The following PGBD2 variants were observed in gnomAD, a reference collection of about 807,000 sequenced individuals.
The protein encoded by PGBD2 is piggyBac transposable element derived 2, also known as piggyBac transposable element-derived protein 2.
A neutral mutation model predicts 8.1 loss-of-function variants in PGBD2; 6 were observed. The observed-to-expected ratio is 0.74, with a 90% CI of 0.40 to 1.46. The LOEUF (loss-of-function observed/expected upper bound fraction) is 1.46. Among genes scored for constraint, PGBD2 ranks in the 40% most tolerant of loss-of-function variants. The probability of loss-of-function intolerance (pLI) is 0.02; values close to 1 mark genes in which losing one functional copy is unlikely to be tolerated. For synonymous variants in PGBD2, 318 were observed against 272.2 expected (o/e 1.17, Z -1.66); for missense variants, 802 against 739.0 (o/e 1.09, Z -0.99).
chr1:248,874,903 GAGATAGATAGAT>G, the PGBD2 span, among the ~76,000 whole-genome samples: 2,425 of 145,390 alleles, frequency 0.017, 29 homozygotes, highest in Middle Eastern at 0.031. Flanking sequence ...TAGGTAGATA[GAGATAGATAGAT>G]AGATAGATAG....
chr1:248,911,438 G>A (rs1458620102), intron 1 of PGBD2, among the ~76,000 whole-genome samples: 1 of 149,180 alleles, frequency 6.7e-6, no homozygotes, highest in Non-Finnish European at 1.5e-5. Context: ...TTGGGGGTAA[G>A]GTCACAGATC....
the PGBD2 span, among the ~76,000 whole-genome samples, chr1:248,894,661 T>A: frequency 4.0e-5 from 6 of 151,388 alleles, no homozygotes; most frequent in African/African-American, 1.5e-4. Context: ...ATTTTCTTTT[T>A]TCTTCTTTTT....
Position 248,917,778 on chromosome 1 carries a change from T to G in PGBD2, c.1194T>G (p.Phe398Leu). Residue 398 changes from phenylalanine to leucine, a missense_variant, in exon 3 of 3, where the codon TTT becomes TTG. Physicochemically the swap from Phe to Leu is conservative, Grantham distance 22 (BLOSUM62 0). Coordinates refer to ENST00000329291, the MANE Select transcript of PGBD2 (RefSeq NM_170725.3). ...KELKKMKRGS[F>L]DYKVDESEEI... ...TGAAAAAAATGAAGAGGGGTTCATTTGATTACAAAGTCGATGAGAGTGAGG... is the reference window on the plus strand; with the variant it reads ...TGAAAAAAATGAAGAGGGGTTCATTGGATTACAAAGTCGATGAGAGTGAGG... The G allele has an allele frequency of 1.9e-6, 3 of 1,614,200 alleles. No individual in the cohort carries two copies. The highest frequency in any genetic ancestry group is 2.5e-6 in the Non-Finnish European group (3 of 1,180,046).
At chr1:248,911,780 G>C (rs956476568) in intron 1 of PGBD2, among the ~76,000 whole-genome samples, 1 of 151,896 alleles carries the variant, frequency 6.6e-6, no homozygotes, top group Non-Finnish European at 1.5e-5. Flanking sequence ...GGACGGGGTG[G>C]CTGGCCGGGC....
chr1:248,916,469 G>A lies in PGBD2; in HGVS notation c.18-133G>A, dbSNP rs1662100661. 8 of 690,378 alleles carry A rather than the reference G, an allele frequency of 1.2e-5. No individual in the cohort carries two copies. The Admixed American group carries it at 1.5e-4, about 13-fold the overall frequency. The allele number at this position is 690,378 out of a possible 1,614,324, so 42.8% of individuals were successfully genotyped here. On this transcript the variant is annotated intron_variant, in intron 2 of 2. Coordinates refer to ENST00000329291, the MANE Select transcript of PGBD2 (RefSeq NM_170725.3). The stretch of plus-strand genomic sequence containing the variant: ...GCTGGAAAATTTACTTACTAAATGC[G>A]GTGCCTTGTGATGCCAGATCTGTGA...
chr1:248,892,282 C>CCCTCCCTCT, the PGBD2 span, among the ~76,000 whole-genome samples: 1 of 127,526 alleles, frequency 7.8e-6, no homozygotes, highest in East Asian at 2.4e-4. Context: ...TCCCTTCCTT[C>CCCTCCCTCT]CTTCCTTCCT....
At chr1:248,907,260 A>G (rs1276229890) in intron 1 of PGBD2, among the ~76,000 whole-genome samples, 1 of 152,240 alleles carries the variant, frequency 6.6e-6, no homozygotes, top group Non-Finnish European at 1.5e-5. Context: ...TCTCTGCCCA[A>G]ACATTTCAGT....
intron 2 of PGBD2, among the ~76,000 whole-genome samples, chr1:248,914,242 T>G (rs1337173673): frequency 1.3e-5 from 2 of 152,194 alleles, no homozygotes; most frequent in East Asian, 3.8e-4. Flanking sequence ...TTTGAGAGTC[T>G]GGGGGTGAGC....
At chr1:248,902,205 G>A (rs778510846), upstream of PGBD2, among the ~76,000 whole-genome samples, 1 of 150,968 alleles carries the variant, frequency 6.6e-6, no homozygotes, top group Non-Finnish European at 1.5e-5. Context: ...GGAGGCGAAG[G>A]TTGCAGTGAG....
chr1:248,883,583 T>TC, the PGBD2 span, among the ~76,000 whole-genome samples: 1 of 140,208 alleles, frequency 7.1e-6, no homozygotes, highest in African/African-American at 3.0e-5. Context: ...CTTTTTTTTT[T>TC]CTTTTTTTTT....
the PGBD2 span, among the ~76,000 whole-genome samples, chr1:248,897,815 G>C: frequency 6.6e-6 from 1 of 152,198 alleles, no homozygotes; most frequent in Non-Finnish European, 1.5e-5. Flanking sequence ...GCAGCGACTG[G>C]AGACTGCCTG....
the PGBD2 span, among the ~76,000 whole-genome samples, chr1:248,894,800 T>C: frequency 6.6e-6 from 1 of 150,888 alleles, no homozygotes; most frequent in African/African-American, 2.4e-5. Flanking sequence ...TCTCTCTTTC[T>C]TTCTTCTTTC....
upstream of PGBD2, among the ~76,000 whole-genome samples, chr1:248,904,643 C>T (rs978191863): frequency 3.3e-5 from 5 of 152,180 alleles, no homozygotes; most frequent in Non-Finnish European, 7.3e-5. Flanking sequence ...AGGCTTGCTT[C>T]GCCTCAGAGC....
At chr1:248,902,918 C>T (rs1661558853), upstream of PGBD2, among the ~76,000 whole-genome samples, 1 of 152,072 alleles carries the variant, frequency 6.6e-6, no homozygotes, top group African/African-American at 2.4e-5. Context: ...AAGCTTAATA[C>T]CTAGGTGATG....
Position 248,917,838 on chromosome 1 carries a change from G to A in PGBD2, c.1254G>A (p.Val418=). ...IIVCRWHDSS[V]VNICSNAVGI... is the part of the protein sequence containing the mutation. Reference sequence around the variant, plus strand: ...TGTGCCGCTGGCACGATAGCAGCGTGGTCAACATTTGCTCCAATGCTGTGG... The same window carrying A: ...TGTGCCGCTGGCACGATAGCAGCGTAGTCAACATTTGCTCCAATGCTGTGG... The change falls in exon 3 of 3, where the codon GTG becomes GTA. Residue 418 remains valine, a synonymous_variant. Coordinates refer to ENST00000329291, the MANE Select transcript of PGBD2 (RefSeq NM_170725.3). The A allele has an allele frequency of 6.2e-7, 1 of 1,614,208 alleles. No individual in the cohort carries two copies. The highest frequency in any genetic ancestry group is 1.1e-5 in the South Asian group (1 of 91,078).
the PGBD2 span, among the ~76,000 whole-genome samples, chr1:248,926,529 C>G: frequency 6.6e-6 from 1 of 152,148 alleles, no homozygotes; most frequent in Admixed American, 6.5e-5. Flanking sequence ...TTGAAAGCTT[C>G]TTTTGGTCTA....
chr1:248,888,106 G>A, the PGBD2 span, among the ~76,000 whole-genome samples: 1 of 152,064 alleles, frequency 6.6e-6, no homozygotes, highest in Non-Finnish European at 1.5e-5. Flanking sequence ...TTTTTTTATG[G>A]TAGTGTAGTA....
chr1:248,928,818 T>G, the PGBD2 span, among the ~76,000 whole-genome samples: 1 of 152,236 alleles, frequency 6.6e-6, no homozygotes, highest in African/African-American at 2.4e-5. Flanking sequence ...CCCAGTGACT[T>G]TTCGCACCTT....
chr1:248,878,878 T>A, the PGBD2 span, among the ~76,000 whole-genome samples: 1 of 152,210 alleles, frequency 6.6e-6, no homozygotes, highest in Non-Finnish European at 1.5e-5. Context: ...GTATCCACTG[T>A]TGTTATGGCA....
Sources: allele counts gnomAD v4.1 joint callset (sites outside exome capture counted in the v4.1 genomes callset), GRCh38; gene constraint gnomAD v4.1.1; transcripts MANE v1.5; gene names NCBI Gene and HGNC (gene_info 2026-07-23, HGNC 2026-07-21).